Variants in SEC31B observed in about 807,000 individuals in gnomAD.
The protein encoded by SEC31B is protein transport protein Sec31B.
Under a neutral mutation model 135.0 loss-of-function variants are expected in SEC31B, and 113 were observed. The ratio of observed to expected loss-of-function variants is 0.84; its 90% CI spans 0.72 to 0.98. SEC31B has a LOEUF of 0.98. Ranked by LOEUF, SEC31B falls within the 50% of genes least tolerant of loss-of-function variation. The probability of loss-of-function intolerance (pLI) is 0.00; values close to 1 mark genes in which losing one functional copy is unlikely to be tolerated. For synonymous variants in SEC31B, 508 were observed against 549.4 expected (o/e 0.92, Z 1.05); for missense variants, 1,296 against 1,421.1 (o/e 0.91, Z 1.42).
At chr10:100,502,806 A>G (rs1317909493) in intron 10 of SEC31B, among the ~76,000 whole-genome samples, 2 of 152,100 alleles carry the variant, frequency 1.3e-5, no homozygotes, top group Non-Finnish European at 2.9e-5. Context: ...CATACCCCCT[A>G]TAGCCAAGCA....
rs115180131 is a variant in SEC31B, at chr10:100,504,324, G to A, written c.1179+1037C>T. On this transcript the variant is annotated intron_variant, in intron 10 of 25. Transcript: ENST00000370345. ...GTTGGCTTTGAAAACAAGAACTTCC[G>A]CTTTTATACATCTGTTTTCAATTCA... Among the ~76,000 whole-genome samples the A allele has an allele frequency of 8.3e-3, 1,257 of 152,226 alleles. 16 individuals carry two copies. The highest frequency in any genetic ancestry group is 0.027 in the African/African-American group (1,120 of 41,524).
chr10:100,508,966 A>T (rs1434406791), intron 5 of SEC31B, 41 bp downstream of exon 5: 1 of 1,487,524 alleles, frequency 6.7e-7, no homozygotes, highest in South Asian at 1.1e-5. Flanking sequence ...TAGGAGAATC[A>T]GCTGCACACT....
chr10:100,500,580 T>A (rs1374563834), intron 11 of SEC31B, among the ~76,000 whole-genome samples: 1 of 152,030 alleles, frequency 6.6e-6, no homozygotes, highest in Non-Finnish European at 1.5e-5. Flanking sequence ...CCTCCCAAAT[T>A]GCTGGGATTA....
chr10:100,493,849 G>A (rs1851352073), intron 19 of SEC31B, among the ~76,000 whole-genome samples: 1 of 152,138 alleles, frequency 6.6e-6, no homozygotes, highest in Non-Finnish European at 1.5e-5. Context: ...GTGAGATGCC[G>A]ACACGGGGCG....
At position 100,490,065 on chromosome 10, in the gene SEC31B, G is replaced by A; in HGVS notation, c.2908C>T (p.Pro970Ser). 1 of 1,566,552 alleles carries A rather than the reference G, an allele frequency of 6.4e-7. No homozygotes were observed. The highest frequency in any genetic ancestry group is 8.6e-7 in the Non-Finnish European group (1 of 1,160,196). ...SFPVPYLPGD[P>S]GAPCSSVLPT... ...AGGACACTAGAGCATGGGGCACCTG[G>A]GTCCCCTGGAAGGTATGGCACAGGG... The change falls in exon 21 of 26, where the codon CCA becomes TCA. Residue 970 changes from proline to serine, a missense_variant. Coordinates refer to ENST00000370345, the MANE Select transcript of SEC31B (RefSeq NM_015490.4).
At chr10:100,505,975 A>G in intron 9 of SEC31B, 65 bp downstream of exon 9, 3 of 1,604,548 alleles carry the variant, frequency 1.9e-6, no homozygotes, top group Non-Finnish European at 2.6e-6. Flanking sequence ...CTCAAGCCAT[A>G]TGTCTCTCTC....
intron 3 of SEC31B, among the ~76,000 whole-genome samples, chr10:100,511,936 C>G (rs1022362360): frequency 3.3e-5 from 5 of 152,298 alleles, no homozygotes; most frequent in African/African-American, 1.2e-4. Flanking sequence ...AAAAAAGGTT[C>G]AGAGAAGTTA....
intron 3 of SEC31B, among the ~76,000 whole-genome samples, chr10:100,512,479 T>G (rs552192743): frequency 1.3e-5 from 2 of 152,248 alleles, no homozygotes; most frequent in Non-Finnish European, 2.9e-5. Context: ...TCCAGAGGCA[T>G]TTATCCATGC....
Position 100,493,149 on chromosome 10 carries a change from G to A in SEC31B, c.2472+2236C>T, listed in dbSNP as rs375615074. ...AGCGCTTTGGGAGGCCGAGGCGGGC[G>A]GATCACGAGGTCGGGAGATCAAGAC... On this transcript the variant is annotated intron_variant, in intron 19 of 25. Coordinates refer to ENST00000370345, the MANE Select transcript of SEC31B (RefSeq NM_015490.4). 6.0e-4 allele frequency among the ~76,000 whole-genome samples: 91 copies of A among 152,214 alleles called. 1 individual carries two copies. The highest frequency in any genetic ancestry group is 1.9e-3 in the African/African-American group (77 of 41,530).
intron 17 of SEC31B, 120 bp from the exon 18 acceptor site, chr10:100,496,551 T>C: frequency 9.9e-7 from 1 of 1,008,082 alleles, no homozygotes; most frequent in Non-Finnish European, 1.4e-6. Flanking sequence ...TGACCATACC[T>C]AGGTGAAGGC....
intron 7 of SEC31B, 172 bp from the exon 8 acceptor site, chr10:100,506,592 T>C: frequency 1.6e-6 from 1 of 639,666 alleles, no homozygotes; most frequent in Non-Finnish European, 2.7e-6. Flanking sequence ...AAAAATTAAG[T>C]AACTTTCCAA....
At position 100,487,298 on chromosome 10, in the gene SEC31B, CTT is replaced by C. The variant is rs1453338218; in HGVS notation, c.*316_*317del. The C allele has an allele frequency of 9.5e-6, 3 of 316,018 alleles. No homozygotes were observed. Among genetic ancestry groups the C allele is most frequent in the Non-Finnish European group, 1.8e-5 (3 of 169,244 alleles). 19.6% of individuals were successfully genotyped at this position (316,018 alleles called of 1,614,324 possible). On this transcript the variant is annotated 3_prime_UTR_variant, in exon 26 of 26. Coordinates refer to ENST00000370345, the MANE Select transcript of SEC31B (RefSeq NM_015490.4). The stretch of plus-strand genomic sequence containing the variant: ...ATCCTGTTCACCCTCTCAGAAGCCA[CTT>C]AAATAGAAGATCCCTGGGGGAGAAG...
intron 10 of SEC31B, 151 bp downstream of exon 10, chr10:100,505,210 G>T: frequency 1.1e-6 from 1 of 921,540 alleles, no homozygotes; most frequent in Non-Finnish European, 1.6e-6. Context: ...TCCTTGAGAG[G>T]TAAAGTGGGA....
At chr10:100,505,808 A>G (rs1851619016) in intron 9 of SEC31B, 2 of 1,443,740 alleles carry the variant, frequency 1.4e-6, no homozygotes, top group Admixed American at 5.5e-5. Flanking sequence ...CGGTCCCTGA[A>G]ATACTACAGG....
At chr10:100,495,917 G>C (rs1490549163) in intron 18 of SEC31B, among the ~76,000 whole-genome samples, 1 of 152,076 alleles carries the variant, frequency 6.6e-6, no homozygotes, top group Non-Finnish European at 1.5e-5. Context: ...CTCCCTCCTT[G>C]CTATTCTTTC....
chr10:100,513,101 A>G (rs1218513556), intron 3 of SEC31B, among the ~76,000 whole-genome samples: 1 of 152,204 alleles, frequency 6.6e-6, no homozygotes, highest in Admixed American at 6.5e-5. Context: ...CCTAACCTAG[A>G]CTGGAACAGA....
intron 3 of SEC31B, among the ~76,000 whole-genome samples, chr10:100,510,995 A>G (rs1851726466): frequency 6.6e-6 from 1 of 152,244 alleles, no homozygotes; most frequent in Non-Finnish European, 1.5e-5. Context: ...AGCGGAGGGT[A>G]TGTGCAGTGA....
chr10:100,509,452 A>G lies in SEC31B; in HGVS notation c.263T>C (p.Ile88Thr). 1 of 1,614,100 alleles carries G rather than the reference A, an allele frequency of 6.2e-7. No individual in the cohort carries two copies. The highest frequency in any genetic ancestry group is 2.2e-5 in the East Asian group (1 of 44,878). ...CATGCCATTGTCCCCGCCGCCAACA[A>G]TAACCCCGGAGCTTTCCAGAAGCCC... is the stretch of plus-strand genomic sequence containing the variant. ...GSGLLESSGV[I>T]VGGGDNGMLI... Residue 88 changes from isoleucine to threonine, a missense_variant, in exon 4 of 26, where the codon ATT (isoleucine) becomes ACT (threonine). Coordinates refer to ENST00000370345, the MANE Select transcript of SEC31B (RefSeq NM_015490.4).
chr10:100,512,958 GTGCCTTA>G (rs1342316223), intron 3 of SEC31B, among the ~76,000 whole-genome samples: 15 of 152,162 alleles, frequency 9.9e-5, no homozygotes, highest in African/African-American at 3.6e-4. Flanking sequence ...CCACACAACT[GTGCCTTA>G]TGCCACAGCA....
Sources: gnomAD v4.1 joint callset for allele counts (sites outside exome capture counted in the v4.1 genomes callset) on GRCh38, gnomAD v4.1.1 for gene constraint, MANE v1.5 for transcripts, NCBI Gene and HGNC (gene_info 2026-07-23, HGNC 2026-07-21) for gene names.